The following REL variants were observed in gnomAD, a reference collection of about 807,000 sequenced individuals.
The protein encoded by REL is REL proto-oncogene, NF-kB subunit, also known as proto-oncogene c-Rel.
In REL, 15 loss-of-function variants were observed where a neutral mutation model predicts 45.9. The ratio of observed to expected loss-of-function variants is 0.33; its 90% CI spans 0.22 to 0.50. REL has a LOEUF of 0.50. REL is among the 20% of genes least tolerant of loss of function. The pLI, the probability that REL is intolerant of heterozygous loss-of-function variation, is 0.98. For synonymous variants in REL, 239 were observed against 242.1 expected, an observed-to-expected ratio of 0.99 and a Z score of 0.12; for missense variants, 601 against 715.2, an observed-to-expected ratio of 0.84 and a Z score of 1.82.
At chr2:60,904,244 C>G (rs1673575687) in intron 4 of REL, among the ~76,000 whole-genome samples, 2 of 151,250 alleles carry the variant, frequency 1.3e-5, no homozygotes, top group South Asian at 2.1e-4. Context: ...CTACTAAAAA[C>G]ACAAAAAATT....
At chr2:60,905,755 A>C (rs1302281815) in intron 4 of REL, among the ~76,000 whole-genome samples, 2 of 152,136 alleles carry the variant, frequency 1.3e-5, no homozygotes, top group Non-Finnish European at 2.9e-5. Context: ...CACTTGGAAG[A>C]GGGCCAAGCA....
intron 8 of REL, 114 bp downstream of exon 8, chr2:60,920,223 A>G: frequency 1.2e-6 from 1 of 847,432 alleles, no homozygotes; most frequent in Admixed American, 2.6e-5. Flanking sequence ...GTTTTTTGAG[A>G]TAGCATCTCT....
Position 60,925,344 on chromosome 2 carries a change from G to T in REL, c.*2809G>T, listed in dbSNP as rs992070737. The T allele has an allele frequency of 5.2e-6, 1 of 191,638 alleles. No individual in the cohort carries two copies. The highest frequency in any genetic ancestry group is 2.3e-5 in the African/African-American group (1 of 42,954). 11.9% of individuals were successfully genotyped at this position (191,638 alleles called of 1,614,324 possible). On this transcript the variant is annotated 3_prime_UTR_variant, in exon 10 of 10. Coordinates refer to ENST00000394479, the MANE Select transcript of REL (RefSeq NM_001291746.2). Reference sequence around the variant, plus strand: ...CAGTTAAATGATACTGGGAAATAGGGAAGACAGCAAAGTGAGACTTGGGCT... The same window carrying T: ...CAGTTAAATGATACTGGGAAATAGGTAAGACAGCAAAGTGAGACTTGGGCT...
At chr2:60,917,680 CTGTGTGTGTGTGTGTGTG>C (rs34038794) in intron 5 of REL, among the ~76,000 whole-genome samples, 5 of 142,252 alleles carry the variant, frequency 3.5e-5, no homozygotes, top group Non-Finnish European at 7.6e-5. Flanking sequence ...CCCCAAAATA[CTGTGTGTGTGTGTGTGTG>C]TGTGTGTGTG....
At position 60,926,651 on chromosome 2, in the gene REL, T is replaced by G. The variant is rs1463354370; in HGVS notation, c.*4116T>G. The G allele has an allele frequency of 8.7e-6, 2 of 229,760 alleles. No homozygotes were observed. Among genetic ancestry groups the G allele is most frequent in the Non-Finnish European group, 1.7e-5 (2 of 115,850 alleles). 14.2% of individuals were successfully genotyped at this position (229,760 alleles called of 1,614,324 possible). On this transcript the variant is annotated 3_prime_UTR_variant, in exon 10 of 10. Transcript: ENST00000394479. The stretch of plus-strand genomic sequence containing the variant: ...AGTTTTCTTTCATGCTACCTGAATG[T>G]CCTGATAAACTGGCTCGCTCTCTTC...
In REL at chr2:60,881,797, A is replaced by G. The variant is rs957307334; in HGVS notation, c.-44A>G. ...TGACTGACTGCGGCCGCCTCCGGCC[A>G]GGACGCTGGGAGCTGCCTGCGGGAA... On this transcript the variant is annotated 5_prime_UTR_variant, in exon 1 of 10. Transcript: ENST00000394479. 1.3e-6 allele frequency: 2 copies of G among 1,528,196 alleles called. No homozygotes were observed. Among genetic ancestry groups the G allele is most frequent in the East Asian group, 2.6e-5 (1 of 38,464 alleles). The allele number at this position is 1,528,196 out of a possible 1,614,324, so 94.7% of individuals were successfully genotyped here.
chr2:60,915,490 A>AATT (rs1244323216), intron 4 of REL, among the ~76,000 whole-genome samples: 1 of 152,230 alleles, frequency 6.6e-6, no homozygotes, highest in Non-Finnish European at 1.5e-5. Context: ...TAAGCATAAG[A>AATT]ATGCTAATAC....
chr2:60,901,786 C>T (rs1673505359), intron 4 of REL, among the ~76,000 whole-genome samples: 1 of 152,070 alleles, frequency 6.6e-6, no homozygotes, highest in Non-Finnish European at 1.5e-5. Context: ...AACACTTAAT[C>T]CCAATGTGGA....
At chr2:60,887,385 C>T (rs887164557) in intron 1 of REL, among the ~76,000 whole-genome samples, 2 of 151,762 alleles carry the variant, frequency 1.3e-5, no homozygotes, top group Non-Finnish European at 2.9e-5. Flanking sequence ...GATTATTTAA[C>T]GTTTGAATAA....
intron 4 of REL, among the ~76,000 whole-genome samples, chr2:60,910,539 T>G (rs1309537161): frequency 6.6e-6 from 1 of 151,958 alleles, no homozygotes; most frequent in Non-Finnish European, 1.5e-5. Context: ...TTACCTTATA[T>G]TTTGACTAAC....
intron 1 of REL, among the ~76,000 whole-genome samples, chr2:60,886,509 A>G (rs186919473): frequency 1.3e-5 from 2 of 152,244 alleles, no homozygotes; most frequent in African/African-American, 2.4e-5. Context: ...ATAATTTTCA[A>G]CTTTAGTTTT....
At chr2:60,885,545 T>C (rs556411178) in intron 1 of REL, among the ~76,000 whole-genome samples, 2 of 152,336 alleles carry the variant, frequency 1.3e-5, no homozygotes, top group Non-Finnish European at 2.9e-5. Flanking sequence ...ATTTCCTTTC[T>C]TTGATTCTTA....
At chr2:60,905,126 CCT>C (rs1673606384) in intron 4 of REL, among the ~76,000 whole-genome samples, 1 of 152,062 alleles carries the variant, frequency 6.6e-6, no homozygotes, top group African/African-American at 2.4e-5. Context: ...ATGGAGTCTC[CCT>C]CTGTCGCCCA....
intron 1 of REL, 21 bp from the exon 2 acceptor site, chr2:60,891,662 T>C: frequency 1.9e-6 from 3 of 1,580,036 alleles, no homozygotes; most frequent in Non-Finnish European, 2.6e-6. Flanking sequence ...ACTGACCTCC[T>C]CCTTTTTAAA....
chr2:60,927,000 C>A lies in REL; in HGVS notation c.*4465C>A. On this transcript the variant is annotated 3_prime_UTR_variant, in exon 10 of 10. Coordinates refer to ENST00000394479, the MANE Select transcript of REL (RefSeq NM_001291746.2). ...ACCTTTAGCATGTTACCCACTCTGC[C>A]TCTGCTCTTCTGGAACTAGAACACT... 4.4e-6 allele frequency: 1 copy of A among 228,070 alleles called. No individual in the cohort carries two copies. The highest frequency in any genetic ancestry group is 6.2e-5 in the East Asian group (1 of 16,082). 14.1% of individuals were successfully genotyped at this position (228,070 alleles called of 1,614,324 possible).
intron 4 of REL, among the ~76,000 whole-genome samples, chr2:60,914,263 A>G (rs1001804973): frequency 2.6e-5 from 4 of 152,224 alleles, no homozygotes; most frequent in African/African-American, 2.4e-5. Context: ...TGAATCTTGC[A>G]TTGGGTAAAA....
intron 4 of REL, among the ~76,000 whole-genome samples, chr2:60,910,357 C>T (rs1030732348): frequency 6.7e-6 from 1 of 150,306 alleles, no homozygotes; most frequent in Non-Finnish European, 1.5e-5. Context: ...CCCAGCTACT[C>T]GGGAGGCTGA....
chr2:60,888,797 A>G (rs1260630862), intron 1 of REL, among the ~76,000 whole-genome samples: 2 of 152,302 alleles, frequency 1.3e-5, no homozygotes, highest in South Asian at 4.1e-4. Flanking sequence ...TTTCTGAGCT[A>G]TCAGTGATTC....
At chr2:60,914,808 G>A (rs1673915760) in intron 4 of REL, among the ~76,000 whole-genome samples, 1 of 151,448 alleles carries the variant, frequency 6.6e-6, no homozygotes, top group African/African-American at 2.4e-5. Context: ...ATTCATTTGG[G>A]AGTGTATACC....
Sources: allele counts gnomAD v4.1 joint callset (sites outside exome capture counted in the v4.1 genomes callset), GRCh38; gene constraint gnomAD v4.1.1; transcripts MANE v1.5; gene names NCBI Gene and HGNC (gene_info 2026-07-23, HGNC 2026-07-21).